ST18: variants seen among roughly 807,000 people sequenced by gnomAD.
The protein encoded by ST18 is ST18 C2H2C-type zinc finger transcription factor.
ST18 carries 50 observed loss-of-function variants against 110.0 expected under a neutral mutation model. The observed-to-expected ratio is 0.45, with a 90% CI of 0.36 to 0.58. ST18 has a LOEUF of 0.58. ST18 is among the 20% of genes least tolerant of loss of function. The pLI is 0.00. For synonymous variants in ST18, 461 were observed against 452.4 expected, an observed-to-expected ratio of 1.02 and a Z score of -0.24; for missense variants, 1,306 against 1,280.1, an observed-to-expected ratio of 1.02 and a Z score of -0.31.
intron 2 of ST18, among the ~76,000 whole-genome samples, chr8:52,336,991 G>A (rs1409394018): frequency 6.6e-6 from 1 of 152,150 alleles, no homozygotes; most frequent in Non-Finnish European, 1.5e-5. Flanking sequence ...CCTTCATTGT[G>A]TATGATTTTG....
At chr8:52,158,314 C>T (rs1178858931) in intron 15 of ST18, among the ~76,000 whole-genome samples, 3 of 152,182 alleles carry the variant, frequency 2.0e-5, no homozygotes, top group South Asian at 2.1e-4. Flanking sequence ...TTTGAATGCC[C>T]TGAGGTCTCA....
rs148252165 is a variant in ST18 at position 52,382,027 on chromosome 8, C to G, written c.-465+27301G>C. ...GATTTACCACAGGCCACAGAAAACC[C>G]TCTCTAGGAAAACTTATGATGTTTC... is the stretch of plus-strand genomic sequence containing the variant. On this transcript the variant is annotated intron_variant, in intron 2 of 25. Transcript: ENST00000689386. Among the ~76,000 whole-genome samples, 810 of 151,192 alleles carry G rather than the reference C, an allele frequency of 5.4e-3. 8 individuals carry two copies. Among genetic ancestry groups the G allele is most frequent in the African/African-American group, 0.019 (784 of 41,046 alleles).
intron 2 of ST18, chr8:52,249,367 C>G (rs770184864): frequency 4.6e-5 from 7 of 152,400 alleles, no homozygotes; most frequent in Non-Finnish European, 1.0e-4. Flanking sequence ...CCGGTGCCTC[C>G]TAGCCTTTGT....
chr8:52,174,804 T>G (rs958974474), intron 9 of ST18, among the ~76,000 whole-genome samples: 1 of 152,324 alleles, frequency 6.6e-6, no homozygotes, highest in Middle Eastern at 3.4e-3. Context: ...AGGGATGTTC[T>G]GCAAATCTGC....
chr8:52,266,646 A>G (rs1410101049), intron 2 of ST18, among the ~76,000 whole-genome samples: 1 of 149,324 alleles, frequency 6.7e-6, no homozygotes, highest in Non-Finnish European at 1.5e-5. Flanking sequence ...GGTTTAAGTG[A>G]TTCTCCTGCC....
At chr8:52,251,098 T>C (rs545711755) in intron 2 of ST18, among the ~76,000 whole-genome samples, 3 of 152,272 alleles carry the variant, frequency 2.0e-5, no homozygotes, top group African/African-American at 7.2e-5. Context: ...CCTGGACAAC[T>C]TTTTAATATT....
chr8:52,295,710 C>CG, intron 2 of ST18, among the ~76,000 whole-genome samples: 1 of 130,828 alleles, frequency 7.6e-6, no homozygotes, highest in African/African-American at 2.8e-5. Context: ...TCTTTTTTTC[C>CG]TTTTTTTTTT....
At chr8:52,113,954 GTTTTTTTTTTTTTTT>G (rs1158213340) in intron 25 of ST18, among the ~76,000 whole-genome samples, 5 of 45,444 alleles carry the variant, frequency 1.1e-4, no homozygotes, top group Non-Finnish European at 1.5e-4. Flanking sequence ...TTCATACCGT[GTTTTTTTTTTTTTTT>G]TTTTTTTTTT....
At chr8:52,337,415 C>T (rs1197727769) in intron 2 of ST18, among the ~76,000 whole-genome samples, 2 of 152,220 alleles carry the variant, frequency 1.3e-5, no homozygotes, top group African/African-American at 2.4e-5. Context: ...CAAGTACTCT[C>T]TCTATCTTTC....
At chr8:52,329,182 T>C (rs576483280) in intron 2 of ST18, among the ~76,000 whole-genome samples, 2 of 152,026 alleles carry the variant, frequency 1.3e-5, no homozygotes, top group South Asian at 2.1e-4. Context: ...TGTTTTTCTA[T>C]GTGTGTTTCT....
chr8:52,391,924 AGATG>A (rs1564643345), intron 2 of ST18, among the ~76,000 whole-genome samples: 1 of 152,224 alleles, frequency 6.6e-6, no homozygotes, highest in African/African-American at 2.4e-5. Flanking sequence ...CACTCCAAGT[AGATG>A]GAAGAGTAGA....
intron 2 of ST18, among the ~76,000 whole-genome samples, chr8:52,258,336 G>C (rs2094585669): frequency 6.6e-6 from 1 of 151,996 alleles, no homozygotes; most frequent in Admixed American, 6.6e-5. Flanking sequence ...ATTTTGATAG[G>C]GTATGTATTA....
rs528919358 is a variant in ST18 at position 52,181,354 on chromosome 8, G to A, written c.87-1042C>T. ...AAACCATTATTTTACAAACATCAAC[G>A]CAAAAGATGGTGCCTATTCGTGAAA... On this transcript the variant is annotated intron_variant, in intron 8 of 25. Coordinates refer to ENST00000689386, the MANE Select transcript of ST18 (RefSeq NM_001352837.2). Among the ~76,000 whole-genome samples, 23 of 152,168 alleles carry A rather than the reference G, an allele frequency of 1.5e-4. No homozygotes were observed. The East Asian group carries it at 4.3e-3, about 28-fold the overall frequency.
At chr8:52,211,673 T>C (rs2082225449) in intron 8 of ST18, among the ~76,000 whole-genome samples, 1 of 152,062 alleles carries the variant, frequency 6.6e-6, no homozygotes. Context: ...TGGAATCATC[T>C]AATTATTTAA....
At chr8:52,339,545 T>C (rs989451562) in intron 2 of ST18, among the ~76,000 whole-genome samples, 1 of 152,180 alleles carries the variant, frequency 6.6e-6, no homozygotes, top group Non-Finnish European at 1.5e-5. Context: ...CACACAAGTT[T>C]TGAATTTTAA....
chr8:52,409,796 G>C (rs142104593), upstream of ST18: 3 of 152,368 alleles, frequency 2.0e-5, no homozygotes, highest in African/African-American at 4.8e-5. Flanking sequence ...TTTGCTCTGT[G>C]TTATTTACCA....
chr8:52,125,660 ATT>A (rs34904132), intron 23 of ST18, among the ~76,000 whole-genome samples: 7 of 146,980 alleles, frequency 4.8e-5, no homozygotes, highest in East Asian at 2.0e-4. Context: ...CTGGGCTAAT[ATT>A]TTTTTTTTTT....
At chr8:52,355,464 G>A (rs1324898664) in intron 2 of ST18, among the ~76,000 whole-genome samples, 1 of 152,092 alleles carries the variant, frequency 6.6e-6, no homozygotes, top group Non-Finnish European at 1.5e-5. Context: ...TCTCATTTGT[G>A]GATAATGATA....
intron 2 of ST18, among the ~76,000 whole-genome samples, chr8:52,358,233 A>C (rs1824068451): frequency 6.6e-6 from 1 of 151,872 alleles, no homozygotes; most frequent in South Asian, 2.1e-4. Flanking sequence ...TATAGCTATA[A>C]ACACCTCTAC....
Sources: allele counts gnomAD v4.1 joint callset (sites outside exome capture counted in the v4.1 genomes callset), GRCh38; gene constraint gnomAD v4.1.1; transcripts MANE v1.5; gene names NCBI Gene and HGNC (gene_info 2026-07-23, HGNC 2026-07-21).